The following DNAH8 variants were observed in gnomAD, a reference collection of about 807,000 sequenced individuals.
DNAH8 encodes the protein dynein axonemal heavy chain 8.
A neutral mutation model predicts 562.1 loss-of-function variants in DNAH8; 382 were observed. That is an observed-to-expected ratio of 0.68 (90% CI 0.63 to 0.74). The LOEUF (loss-of-function observed/expected upper bound fraction) is 0.74. Ranked by LOEUF, DNAH8 falls within the 30% of genes least tolerant of loss-of-function variation. The pLI, the probability that DNAH8 is intolerant of heterozygous loss-of-function variation, is 0.00. For synonymous variants in DNAH8, 1,881 were observed against 1,919.4 expected (o/e 0.98, Z 0.52); for missense variants, 5,203 against 5,620.4 (o/e 0.93, Z 2.37).
At chr6:38,997,002 G>A (rs1196737138) in intron 88 of DNAH8, among the ~76,000 whole-genome samples, 1 of 152,094 alleles carries the variant, frequency 6.6e-6, no homozygotes, top group African/African-American at 2.4e-5. Context: ...AGAGCAACTG[G>A]CAGGCCTGTA....
At chr6:38,837,328 T>C in intron 32 of DNAH8, among the ~76,000 whole-genome samples, 1 of 152,230 alleles carries the variant, frequency 6.6e-6, no homozygotes, top group East Asian at 1.9e-4. Flanking sequence ...TGCTCATATG[T>C]CCTCACAGAT....
At chr6:39,017,895 G>C (rs916169665) in intron 91 of DNAH8, among the ~76,000 whole-genome samples, 1 of 152,194 alleles carries the variant, frequency 6.6e-6, no homozygotes, top group Non-Finnish European at 1.5e-5. Flanking sequence ...AGTTATAAAA[G>C]TCTGCCGTTT....
chr6:38,890,413 A>G (rs1017370850), intron 57 of DNAH8, among the ~76,000 whole-genome samples: 4 of 152,062 alleles, frequency 2.6e-5, no homozygotes, highest in African/African-American at 9.7e-5. Flanking sequence ...CCTACCTTGT[A>G]TTTTTTTCTT....
In DNAH8 at chr6:38,913,871, A is replaced by G; in HGVS notation, c.9882A>G (p.Ala3294=). 2 of 1,613,202 alleles carry G rather than the reference A, an allele frequency of 1.2e-6. No individual in the cohort carries two copies. Among genetic ancestry groups the G allele is most frequent in the Non-Finnish European group, 1.7e-6 (2 of 1,179,370 alleles). The change falls in exon 67 of 93, where the codon GCA becomes GCG. Residue 3294 remains alanine (A), a synonymous_variant. Transcript: ENST00000327475. ...MNIGLDKLME[A]SESVAKLSQD... is the part of the protein sequence containing the mutation. ...AAGGTCTTGATAAACTAATGGAGGC[A>G]AGTGAATCTGTTGCTAAACTCTCTC... is the stretch of plus-strand genomic sequence containing the variant.
At chr6:38,896,578 AAAACAAACAAACAAAC>A (rs376298695) in intron 60 of DNAH8, among the ~76,000 whole-genome samples, 1 of 151,232 alleles carries the variant, frequency 6.6e-6, no homozygotes, top group African/African-American at 2.4e-5. Context: ...CTGTCTCAAA[AAAACAAACAAACAAAC>A]AAACAAACAA....
At chr6:38,849,122 G>A (rs190402632) in intron 37 of DNAH8, among the ~76,000 whole-genome samples, 2 of 152,070 alleles carry the variant, frequency 1.3e-5, no homozygotes, top group Non-Finnish European at 2.9e-5. Context: ...GCTGACCTCT[G>A]ATTAGCAGAA....
Position 38,875,781 on chromosome 6 carries a change from C to T in DNAH8, c.7811C>T (p.Pro2604Leu). Residue 2604 changes from proline to leucine, a missense_variant, in exon 53 of 93, where the codon CCT becomes CTT. Coordinates refer to ENST00000327475, the MANE Select transcript of DNAH8 (RefSeq NM_001206927.2). ...HESKLDLPEI[P>L]KGSNQTMYEF... ...AGCAAGTTGGACTTACCAGAAATAC[C>T]TAAAGGCTCAAATCAAACCATGTAT... 1.2e-6 allele frequency: 2 copies of T among 1,613,904 alleles called. No homozygotes were observed. The highest frequency in any genetic ancestry group is 1.7e-6 in the Non-Finnish European group (2 of 1,179,902).
intron 37 of DNAH8, among the ~76,000 whole-genome samples, chr6:38,849,643 G>GT (rs1292279879): frequency 3.3e-5 from 5 of 149,364 alleles, no homozygotes; most frequent in Non-Finnish European, 7.4e-5. Flanking sequence ...AAACTGAAAT[G>GT]TATCATTTTT....
intron 81 of DNAH8, among the ~76,000 whole-genome samples, chr6:38,950,786 G>A (rs923799382): frequency 2.0e-5 from 3 of 151,230 alleles, no homozygotes; most frequent in East Asian, 1.9e-4. Context: ...TTTTTAATCC[G>A]TCACTTAAAA....
chr6:38,731,438 A>G lies in DNAH8; in HGVS notation c.610+1452A>G, dbSNP rs1763651467. Among the ~76,000 whole-genome samples the G allele has an allele frequency of 2.0e-5, 3 of 152,282 alleles. No homozygotes were observed. In the South Asian group the frequency reaches 6.2e-4, roughly 32 times the overall value. ...AATACATTTATCCAATCAAAATGTT[A>G]ACATCTGCATTTTATTTCATTAGGC... On this transcript the variant is annotated intron_variant, in intron 4 of 92. Coordinates refer to ENST00000327475, the MANE Select transcript of DNAH8 (RefSeq NM_001206927.2).
chr6:38,741,075 T>G (rs1483175403), intron 7 of DNAH8, among the ~76,000 whole-genome samples: 1 of 152,184 alleles, frequency 6.6e-6, no homozygotes, highest in East Asian at 1.9e-4. Context: ...TGTGGCAAAC[T>G]TATCATGTCC....
chr6:39,026,418 C>G, intron 91 of DNAH8, 128 bp from the exon 92 acceptor site: 1 of 943,614 alleles, frequency 1.1e-6, no homozygotes, highest in Non-Finnish European at 1.6e-6. Flanking sequence ...TGGGGTTTGG[C>G]CTCAACTCCT....
At chr6:38,955,791 C>A (rs937906280) in intron 82 of DNAH8, among the ~76,000 whole-genome samples, 6 of 152,196 alleles carry the variant, frequency 3.9e-5, no homozygotes, top group African/African-American at 1.4e-4. Flanking sequence ...CAAAGTCTCT[C>A]TGCAGGAACC....
intron 43 of DNAH8, 57 bp from the exon 44 acceptor site, chr6:38,862,223 C>G: frequency 6.6e-7 from 1 of 1,504,700 alleles, no homozygotes; most frequent in Admixed American, 2.0e-5. Flanking sequence ...TTTGCTTGCG[C>G]CATCCTGTAA....
intron 30 of DNAH8, among the ~76,000 whole-genome samples, chr6:38,831,212 C>A (rs1394800289): frequency 6.6e-6 from 1 of 151,838 alleles, no homozygotes; most frequent in African/African-American, 2.4e-5. Context: ...ATCACTTGAG[C>A]CCAGGAGTTC....
In DNAH8 at chr6:38,886,986, T is replaced by C; in HGVS notation, c.8455T>C (p.Ser2819Pro). The C allele has an allele frequency of 6.2e-7, 1 of 1,610,304 alleles. No individual in the cohort carries two copies. Among genetic ancestry groups the C allele is most frequent in the Non-Finnish European group, 8.5e-7 (1 of 1,176,668 alleles). Residue 2819 changes from serine to proline, a missense_variant, in exon 57 of 93, where the codon TCA (serine) becomes CCA (proline). Ser to Pro is a moderately conservative substitution (Grantham distance 74). This residue lies in a region of DNAH8 where 977 missense variants were observed against 1,061.8 expected (regional missense o/e 0.92). Coordinates refer to ENST00000327475, the MANE Select transcript of DNAH8 (RefSeq NM_001206927.2). Reference protein sequence around the residue: ...VFNCTLPSNASIDKIFGIIGC... With the variant: ...VFNCTLPSNAPIDKIFGIIGC... ...TAATTGTACATTGCCTTCAAATGCTTCAATAGACAAAATTTTTGGTATGAA... is the reference window on the plus strand; with the variant it reads ...TAATTGTACATTGCCTTCAAATGCTCCAATAGACAAAATTTTTGGTATGAA...
At chr6:38,910,918 CACAATAAAGTGG>C (rs1780841838) in intron 65 of DNAH8, among the ~76,000 whole-genome samples, 1 of 152,140 alleles carries the variant, frequency 6.6e-6, no homozygotes, top group Admixed American at 6.5e-5. Context: ...GTAATAAAGC[CACAATAAAGTGG>C]ACATTTGAAT....
At chr6:38,970,869 T>C (rs76442213) in intron 82 of DNAH8, among the ~76,000 whole-genome samples, 1 of 152,220 alleles carries the variant, frequency 6.6e-6, no homozygotes, top group Non-Finnish European at 1.5e-5. Flanking sequence ...AGCTAATTCA[T>C]GTGGGAGGTC....
At chr6:38,896,619 A>AAGAG (rs796984528) in intron 60 of DNAH8, among the ~76,000 whole-genome samples, 1 of 151,594 alleles carries the variant, frequency 6.6e-6, no homozygotes, top group Non-Finnish European at 1.5e-5. Context: ...AAAAACAAAA[A>AAGAG]AGAGAGAGAG....
Sources: gnomAD v4.1 joint callset for allele counts (sites outside exome capture counted in the v4.1 genomes callset) on GRCh38, gnomAD v4.1.1 for gene constraint, gnomAD v4.1.1 regional missense constraint, MANE v1.5 for transcripts, NCBI Gene and HGNC (gene_info 2026-07-23, HGNC 2026-07-21) for gene names.